The following ROBO2 variants were observed in gnomAD, a reference collection of about 807,000 sequenced individuals.
ROBO2 encodes the protein roundabout homolog 2.
ROBO2 carries 53 observed loss-of-function variants against 160.8 expected under a neutral mutation model. That is an observed-to-expected ratio of 0.33 (90% CI 0.26 to 0.41). The LOEUF (loss-of-function observed/expected upper bound fraction) is 0.41. Ranked by LOEUF, ROBO2 falls within the 10% of genes least tolerant of loss-of-function variation. ROBO2 has a pLI of 1.00. For synonymous variants in ROBO2, 664 were observed against 611.7 expected (o/e 1.09, Z -1.26); for missense variants, 1,577 against 1,722.4 (o/e 0.92, Z 1.49).
At chr3:77,335,816 A>C (rs557917223) in intron 2 of ROBO2, among the ~76,000 whole-genome samples, 1 of 152,206 alleles carries the variant, frequency 6.6e-6, no homozygotes, top group Non-Finnish European at 1.5e-5. Flanking sequence ...TTTGATTTTA[A>C]AGAGCTGACA....
chr3:76,642,914 A>C (rs1359098471), intron 2 of ROBO2, among the ~76,000 whole-genome samples: 3 of 152,202 alleles, frequency 2.0e-5, no homozygotes, highest in African/African-American at 7.2e-5. Flanking sequence ...AAAATCATTA[A>C]TAATAAAATA....
At chr3:76,583,187 T>C (rs2108749272) in intron 2 of ROBO2, among the ~76,000 whole-genome samples, 1 of 152,242 alleles carries the variant, frequency 6.6e-6, no homozygotes, top group African/African-American at 2.4e-5. Flanking sequence ...ATTTGAGAAT[T>C]CCCTGAGGAT....
chr3:76,529,089 A>C (rs1055375575), intron 2 of ROBO2, among the ~76,000 whole-genome samples: 3 of 152,150 alleles, frequency 2.0e-5, no homozygotes, highest in Non-Finnish European at 2.9e-5. Context: ...AGAAAGACAA[A>C]ACTGTTGACA....
chr3:76,806,290 T>C (rs1341639232), intron 2 of ROBO2, among the ~76,000 whole-genome samples: 1 of 151,672 alleles, frequency 6.6e-6, no homozygotes, highest in African/African-American at 2.4e-5. Context: ...TTTTTCTCTT[T>C]TTGAAATTCT....
At chr3:76,269,140 T>C (rs752199930) in intron 2 of ROBO2, among the ~76,000 whole-genome samples, 17 of 152,098 alleles carry the variant, frequency 1.1e-4, no homozygotes, top group Admixed American at 2.6e-4. Context: ...TTTATTATAC[T>C]TTTAAAAACA....
At chr3:77,212,346 G>A (rs2084289954) in intron 2 of ROBO2, among the ~76,000 whole-genome samples, 2 of 152,110 alleles carry the variant, frequency 1.3e-5, no homozygotes, top group Admixed American at 6.6e-5. Context: ...AATTGTGAAT[G>A]GGAGTTCACT....
chr3:75,976,466 TC>T (rs2065136340), intron 2 of ROBO2, among the ~76,000 whole-genome samples: 1 of 151,520 alleles, frequency 6.6e-6, no homozygotes, highest in Admixed American at 6.6e-5. Flanking sequence ...TACTGTATAA[TC>T]CCACTTATAC....
At chr3:76,357,987 T>A (rs961929366) in intron 2 of ROBO2, among the ~76,000 whole-genome samples, 1 of 151,704 alleles carries the variant, frequency 6.6e-6, no homozygotes, top group African/African-American at 2.4e-5. Flanking sequence ...TACAAAATAA[T>A]ACTTTATAGT....
At chr3:77,344,692 A>G (rs2067440277) in intron 2 of ROBO2, among the ~76,000 whole-genome samples, 2 of 152,160 alleles carry the variant, frequency 1.3e-5, no homozygotes, top group Non-Finnish European at 2.9e-5. Context: ...AAATGGACTG[A>G]AACAGAAGAT....
intron 2 of ROBO2, among the ~76,000 whole-genome samples, chr3:76,141,157 C>CTA (rs1175006681): frequency 6.0e-3 from 108 of 17,928 alleles, no homozygotes; most frequent in Non-Finnish European, 7.5e-3. Context: ...CTCTCTCTCT[C>CTA]TCTATATATA....
intron 2 of ROBO2, among the ~76,000 whole-genome samples, chr3:76,411,713 G>A (rs1281619400): frequency 6.6e-6 from 1 of 152,094 alleles, no homozygotes; most frequent in Admixed American, 6.6e-5. Context: ...TAGCATAAAT[G>A]CTGGCATGCA....
chr3:76,448,402 GA>G (rs34594495), intron 2 of ROBO2, among the ~76,000 whole-genome samples: 1 of 152,062 alleles, frequency 6.6e-6, no homozygotes, highest in Non-Finnish European at 1.5e-5. Context: ...TTCCTGGGAG[GA>G]AAAGGTATGT....
intron 2 of ROBO2, among the ~76,000 whole-genome samples, chr3:76,244,347 G>A (rs1236477512): frequency 6.6e-6 from 1 of 152,160 alleles, no homozygotes; most frequent in Non-Finnish European, 1.5e-5. Context: ...TGGGTCCTGT[G>A]ATTGACAGGA....
chr3:77,335,117 A>G (rs1229291066), intron 2 of ROBO2, among the ~76,000 whole-genome samples: 1 of 152,156 alleles, frequency 6.6e-6, no homozygotes, highest in Non-Finnish European at 1.5e-5. Context: ...ACACCTGGAA[A>G]AATTGTAAAG....
chr3:77,280,302 A>T (rs1360271038), intron 2 of ROBO2, among the ~76,000 whole-genome samples: 1 of 152,208 alleles, frequency 6.6e-6, no homozygotes, highest in South Asian at 2.1e-4. Flanking sequence ...TACAGTATTT[A>T]TAGTTCAACT....
chr3:76,114,260 G>A (rs1457034014), intron 2 of ROBO2, among the ~76,000 whole-genome samples: 1 of 152,074 alleles, frequency 6.6e-6, no homozygotes, highest in Admixed American at 6.6e-5. Context: ...TTATCTTGGA[G>A]CCCAAGTACT....
intron 6 of ROBO2, among the ~76,000 whole-genome samples, chr3:77,537,653 T>G (rs1440132317): frequency 6.6e-6 from 1 of 152,176 alleles, no homozygotes; most frequent in African/African-American, 2.4e-5. Flanking sequence ...TATTAGTCTG[T>G]TCTCATGATA....
intron 2 of ROBO2, among the ~76,000 whole-genome samples, chr3:76,863,503 T>G (rs564438302): frequency 2.1e-4 from 32 of 151,880 alleles, no homozygotes; most frequent in Non-Finnish European, 3.4e-4. Context: ...TCATTTGAGT[T>G]ATCTATTACG....
At chr3:76,516,255 A>G (rs1445225815) in intron 2 of ROBO2, among the ~76,000 whole-genome samples, 1 of 152,182 alleles carries the variant, frequency 6.6e-6, no homozygotes, top group Non-Finnish European at 1.5e-5. Flanking sequence ...AAGACCCTCT[A>G]TAGCAGATGA....
Sources: allele counts gnomAD v4.1 joint callset (sites outside exome capture counted in the v4.1 genomes callset), GRCh38; gene constraint gnomAD v4.1.1; transcripts MANE v1.5; gene names NCBI Gene and HGNC (gene_info 2026-07-23, HGNC 2026-07-21).